The following ERICH1 variants were observed in gnomAD, a reference collection of about 807,000 sequenced individuals.
ERICH1 encodes glutamate-rich protein 1.
ERICH1 carries 56 observed loss-of-function variants against 39.6 expected under a neutral mutation model. The ratio of observed to expected loss-of-function variants is 1.41; its 90% confidence interval spans 1.14 to 1.77. The LOEUF is 1.77. ERICH1 is among the 40% of genes most tolerant of loss of function. The pLI, the probability that ERICH1 is intolerant of heterozygous loss-of-function variation, is 0.00. For missense variants in ERICH1, 826 were observed against 575.4 expected (o/e 1.44, Z -4.45); for synonymous variants, 313 against 223.6 (o/e 1.40, Z -3.57).
rs754816674 is a variant in ERICH1 at position 715,847 on chromosome 8, G to C, written c.169+14C>G. 2 of 1,603,268 alleles carry C rather than the reference G, an allele frequency of 1.2e-6. No homozygotes were observed. The highest frequency in any genetic ancestry group is 2.7e-5 in the African/African-American group (2 of 74,162). ...CAGTTTCTGAGACCCACCCACATCT[G>C]CAGACAAACTCACCTGTCAAAGGCT... On this transcript the variant is annotated intron_variant, in intron 2 of 5. Coordinates refer to ENST00000262109, the MANE Select transcript of ERICH1 (RefSeq NM_207332.3).
chr8:686,276 A>G (rs1807346260), intron 3 of ERICH1, among the ~76,000 whole-genome samples: 1 of 152,196 alleles, frequency 6.6e-6, no homozygotes, highest in African/African-American at 2.4e-5. Flanking sequence ...TAACACATTC[A>G]CTTCAAGCTA....
intron 3 of ERICH1, among the ~76,000 whole-genome samples, chr8:686,935 G>A (rs1807543650): frequency 9.4e-6 from 1 of 106,800 alleles, no homozygotes; most frequent in Non-Finnish European, 2.0e-5. Flanking sequence ...GAGATGCGAG[G>A]AATGCGGAGC....
rs993125126 is a variant in ERICH1, at chr8:673,956, T to G, written c.396A>C (p.Glu132Asp). Residue 132 changes from glutamate (E) to aspartate (D), a missense_variant, in exon 4 of 6, where the codon GAA (glutamate) becomes GAC (aspartate). By Grantham distance (45) the Glu-to-Asp change is conservative. Transcript: ENST00000262109. ...TCTGCTGTTTCTCTAATTCTGCTTG[T>G]TCTATAAGAACATTATTGGGATTTT... The part of the protein sequence containing the change: ...KFKNPNNVLI[E>D]QAELEKQQSL... 6.2e-7 allele frequency: 1 copy of G among 1,608,118 alleles called. No homozygotes were observed. The highest frequency in any genetic ancestry group is 8.5e-7 in the Non-Finnish European group (1 of 1,179,040).
At chr8:634,183 A>AACAAACAAAAAAC (rs1554481906) in intron 3 of ERICH1, among the ~76,000 whole-genome samples, 3 of 135,846 alleles carry the variant, frequency 2.2e-5, no homozygotes, top group Admixed American at 7.5e-5. Context: ...AAAAAAAAAA[A>AACAAACAAAAAAC]AAACAAACAA....
intron 2 of ERICH1, among the ~76,000 whole-genome samples, chr8:711,173 T>C (rs1342737660): frequency 6.6e-6 from 1 of 152,262 alleles, no homozygotes; most frequent in Non-Finnish European, 1.5e-5. Context: ...GGTCCACATC[T>C]TTGGCCCATT....
chr8:636,795 G>A (rs1014717402), intron 3 of ERICH1, among the ~76,000 whole-genome samples: 1 of 152,260 alleles, frequency 6.6e-6, no homozygotes, highest in Non-Finnish European at 1.5e-5. Context: ...GAGGGGCCAG[G>A]AGGGATGCTC....
rs551086305 is a variant in ERICH1, at chr8:683,343, C to T, written c.304+9135G>A. Among the ~76,000 whole-genome samples, 25 of 152,324 alleles carry T rather than the reference C, an allele frequency of 1.6e-4. 1 individual carries two copies. In the East Asian group the frequency reaches 4.6e-3, roughly 28 times the overall value. On this transcript the variant is annotated intron_variant, in intron 3 of 5. Coordinates refer to ENST00000262109, the MANE Select transcript of ERICH1 (RefSeq NM_207332.3). ...CAGGGAATAAAGGTAGCTCACATGG[C>T]TCCTGGGACAGAGACTTCTCCCCAG...
At chr8:685,111 T>C (rs1585284386) in intron 3 of ERICH1, among the ~76,000 whole-genome samples, 9 of 152,312 alleles carry the variant, frequency 5.9e-5, no homozygotes, top group Admixed American at 5.9e-4. Flanking sequence ...CATCCCTATC[T>C]ACAACTGCAT....
intron 3 of ERICH1, among the ~76,000 whole-genome samples, chr8:650,930 G>C (rs369982803): frequency 6.6e-6 from 1 of 152,198 alleles, no homozygotes; most frequent in Admixed American, 6.5e-5. Flanking sequence ...CTGGGGTCCT[G>C]TCACCAAGGC....
At position 645,270 on chromosome 8, in the gene ERICH1, C is replaced by T. The variant is rs1172634040; in HGVS notation, c.976+23328G>A. ...ACCTGCAAGGAGACCCAGTCCCCCC[C>T]AGAAACATGAGGCCTGCGCCTGGGC... On this transcript the variant is annotated intron_variant, in intron 3 of 3. Transcript: ENST00000522706. Among the ~76,000 whole-genome samples the T allele has an allele frequency of 8.7e-5, 6 of 68,826 alleles. 2 individuals are homozygous for T. Among genetic ancestry groups the T allele is most frequent in the Non-Finnish European group, 2.7e-4 (6 of 21,938 alleles). The allele number at this position is 68,826 out of a possible 152,430, so 45.2% of individuals were successfully genotyped here.
intron 3 of ERICH1, among the ~76,000 whole-genome samples, chr8:651,368 C>A (rs1186880750): frequency 1.3e-5 from 2 of 152,226 alleles, no homozygotes; most frequent in African/African-American, 4.8e-5. Context: ...TCTATCTTTA[C>A]AAATATCATC....
intron 3 of ERICH1, among the ~76,000 whole-genome samples, chr8:657,931 G>A (rs1800874679): frequency 6.6e-6 from 1 of 152,176 alleles, no homozygotes. Flanking sequence ...GAGGTGGTTT[G>A]ACTGGCTGGC....
intron 5 of ERICH1, chr8:666,617 A>C (rs773122547): frequency 2.0e-5 from 3 of 152,248 alleles, no homozygotes; most frequent in Admixed American, 1.3e-4. Context: ...CCTGGTGGGC[A>C]TCTGTACTCA....
intron 1 of ERICH1, among the ~76,000 whole-genome samples, chr8:728,614 C>A (rs1412662051): frequency 6.6e-6 from 1 of 152,226 alleles, no homozygotes; most frequent in African/African-American, 2.4e-5. Flanking sequence ...TTCACCCAAT[C>A]TCCCTGGGTA....
Position 673,960 on chromosome 8 carries a change from A to T in ERICH1, c.392T>A (p.Ile131Lys), listed in dbSNP as rs763992167. 3 of 1,603,992 alleles carry T rather than the reference A, an allele frequency of 1.9e-6. No individual in the cohort carries two copies. The highest frequency in any genetic ancestry group is 1.3e-5 in the African/African-American group (1 of 74,156). ...KKFKNPNNVLIEQAELEKQQS... is the reference protein window; with the variant it reads ...KKFKNPNNVLKEQAELEKQQS... Reference sequence around the variant, plus strand: ...CTGTTTCTCTAATTCTGCTTGTTCTATAAGAACATTATTGGGATTTTTAAA... The same window carrying T: ...CTGTTTCTCTAATTCTGCTTGTTCTTTAAGAACATTATTGGGATTTTTAAA... The change falls in exon 4 of 6, where the codon ATA (isoleucine) becomes AAA (lysine). Residue 131 changes from isoleucine (I) to lysine (K), a missense_variant. By Grantham distance (102) the Ile-to-Lys change is moderately radical. Coordinates refer to ENST00000262109, the MANE Select transcript of ERICH1 (RefSeq NM_207332.3).
chr8:699,045 G>T (rs1271041756), intron 2 of ERICH1, among the ~76,000 whole-genome samples: 1 of 151,892 alleles, frequency 6.6e-6, no homozygotes, highest in African/African-American at 2.4e-5. Context: ...GCTCAGGGCC[G>T]TGGGTGCCAG....
rs576301236 is a variant in ERICH1 at position 695,297 on chromosome 8, G to A, written c.170-2685C>T. 1.1e-4 allele frequency among the ~76,000 whole-genome samples: 16 copies of A among 152,032 alleles called. No homozygotes were observed. In the East Asian group the frequency reaches 1.7e-3, roughly 17 times the overall value. ...CTCTCCCACCATCTTTCAAAGCTCC[G>A]CCTCCCTCTCCCCACAGCCCTTGCC... On this transcript the variant is annotated intron_variant, in intron 2 of 5. Coordinates refer to ENST00000262109, the MANE Select transcript of ERICH1 (RefSeq NM_207332.3).
intron 5 of ERICH1, chr8:668,110 C>T (rs1802559390): frequency 4.9e-6 from 1 of 203,424 alleles, no homozygotes; most frequent in Admixed American, 5.3e-5. Context: ...GCTTGTGTCA[C>T]CGCACACGGC....
chr8:717,081 A>G (rs1185278181), intron 1 of ERICH1, among the ~76,000 whole-genome samples: 2 of 152,190 alleles, frequency 1.3e-5, no homozygotes, highest in Non-Finnish European at 2.9e-5. Flanking sequence ...AGTGAGGTGC[A>G]GTGTGGTCAT....
Sources: allele counts gnomAD v4.1 joint callset (sites outside exome capture counted in the v4.1 genomes callset), GRCh38; gene constraint gnomAD v4.1.1; transcripts MANE v1.5; gene names NCBI Gene and HGNC (gene_info 2026-07-23, HGNC 2026-07-21).